LYRM4: variants seen among roughly 807,000 people sequenced by gnomAD.
LYRM4 encodes LYR motif-containing protein 4.
In LYRM4, 9 loss-of-function variants were observed where a neutral mutation model predicts 11.7. The ratio of observed to expected loss-of-function variants is 0.77; its 90% CI spans 0.46 to 1.34. The LOEUF (loss-of-function observed/expected upper bound fraction) is 1.34. Ranked by LOEUF, LYRM4 falls within the 40% of genes most tolerant of loss-of-function variation. The pLI, the probability that LYRM4 is intolerant of heterozygous loss-of-function variation, is 0.00. For synonymous variants in LYRM4, 42 were observed against 40.4 expected, an observed-to-expected ratio of 1.04 and a Z score of -0.15; for missense variants, 133 against 112.5, an observed-to-expected ratio of 1.18 and a Z score of -0.82.
chr6:5,058,444 A>G, the LYRM4 span, among the ~76,000 whole-genome samples: 7 of 152,226 alleles, frequency 4.6e-5, no homozygotes, highest in East Asian at 1.4e-3. Flanking sequence ...TCGTTCTCCA[A>G]ACCACAGCCA....
chr6:5,242,707 G>A (rs1290123945), intron 1 of LYRM4, among the ~76,000 whole-genome samples: 5 of 151,112 alleles, frequency 3.3e-5, no homozygotes, highest in Non-Finnish European at 5.9e-5. Context: ...CAACGAGAGC[G>A]AAACCCCTTC....
the LYRM4 span, chr6:5,085,268 C>T: frequency 6.1e-6 from 3 of 488,380 alleles, no homozygotes; most frequent in South Asian, 3.6e-5. Flanking sequence ...GGAGCCGGCC[C>T]CAGGCCCGCA....
At chr6:5,230,500 G>A (rs1488932149) in intron 1 of LYRM4, among the ~76,000 whole-genome samples, 1 of 152,132 alleles carries the variant, frequency 6.6e-6, no homozygotes, top group African/African-American at 2.4e-5. Context: ...GGTATTAGGA[G>A]TTAAATATTA....
intron 1 of LYRM4, among the ~76,000 whole-genome samples, chr6:5,224,688 G>T (rs927063218): frequency 1.3e-5 from 2 of 152,190 alleles, no homozygotes; most frequent in African/African-American, 4.8e-5. Context: ...AGCCAGGCAC[G>T]GTAGCTCCTG....
At chr6:5,198,256 C>T (rs1484499414) in intron 2 of LYRM4, among the ~76,000 whole-genome samples, 1 of 152,092 alleles carries the variant, frequency 6.6e-6, no homozygotes, top group Non-Finnish European at 1.5e-5. Flanking sequence ...GACATCACGG[C>T]TTTCAAGTAC....
chr6:5,087,853 G>A, the LYRM4 span: 87,904 of 152,080 alleles, frequency 0.58, 26,161 homozygotes, highest in East Asian at 0.84. Context: ...AAGGTCTGTC[G>A]CCCCTTGACT....
chr6:5,227,149 A>G (rs1318267137), intron 1 of LYRM4, among the ~76,000 whole-genome samples: 2 of 152,210 alleles, frequency 1.3e-5, no homozygotes, highest in Non-Finnish European at 1.5e-5. Context: ...AGGCTGCCAG[A>G]AATAAGGTTG....
chr6:5,197,406 G>T (rs1761123515), intron 2 of LYRM4, among the ~76,000 whole-genome samples: 1 of 152,234 alleles, frequency 6.6e-6, no homozygotes, highest in South Asian at 2.1e-4. Flanking sequence ...GGGCACGGTG[G>T]CTCATGCCTG....
chr6:5,095,911 TGGA>T, the LYRM4 span, among the ~76,000 whole-genome samples: 1 of 151,522 alleles, frequency 6.6e-6, no homozygotes. Flanking sequence ...GCCCAGGAGG[TGGA>T]GGTTGCAGTG....
intron 2 of LYRM4, among the ~76,000 whole-genome samples, chr6:5,160,392 C>G (rs1026290336): frequency 9.9e-5 from 15 of 152,142 alleles, no homozygotes; most frequent in African/African-American, 3.6e-4. Flanking sequence ...CAAATCTCAT[C>G]TTGAATTCCC....
chr6:5,066,376 C>T, the LYRM4 span: 1 of 729,608 alleles, frequency 1.4e-6, no homozygotes, highest in South Asian at 1.4e-5. Context: ...TCCAAAGTGG[C>T]CCTTTTTTCA....
At chr6:5,200,450 A>G (rs575516463) in intron 2 of LYRM4, among the ~76,000 whole-genome samples, 4 of 152,214 alleles carry the variant, frequency 2.6e-5, no homozygotes, top group Non-Finnish European at 5.9e-5. Context: ...GGGTGGAAGC[A>G]CATGAAATTT....
intron 2 of LYRM4, among the ~76,000 whole-genome samples, chr6:5,123,905 G>T (rs12196467): frequency 1.3e-5 from 2 of 152,230 alleles, no homozygotes; most frequent in Non-Finnish European, 2.9e-5. Flanking sequence ...CAGCTGCACA[G>T]AACAGCTGTG....
At chr6:5,162,142 C>T (rs9405807) in intron 2 of LYRM4, among the ~76,000 whole-genome samples, 31,836 of 152,092 alleles carry the variant, frequency 0.21, 3,766 homozygotes, top group Admixed American at 0.26. Flanking sequence ...GACTGAGCAC[C>T]ACCAAGGCTG....
At chr6:5,060,131 G>T in the LYRM4 span, among the ~76,000 whole-genome samples, 1 of 152,236 alleles carries the variant, frequency 6.6e-6, no homozygotes. Context: ...GTTACTAACA[G>T]TGCTTCAGTG....
At chr6:5,183,057 C>A (rs1278144495) in intron 2 of LYRM4, among the ~76,000 whole-genome samples, 1 of 152,130 alleles carries the variant, frequency 6.6e-6, no homozygotes, top group Non-Finnish European at 1.5e-5. Flanking sequence ...AAAGCTTTTT[C>A]TTCCCTTCAC....
intron 2 of LYRM4, among the ~76,000 whole-genome samples, chr6:5,116,872 C>A (rs184239726): frequency 1.3e-5 from 2 of 152,260 alleles, no homozygotes; most frequent in Admixed American, 1.3e-4. Flanking sequence ...TACAATTGGG[C>A]ACAATGTTTC....
intron 1 of LYRM4, among the ~76,000 whole-genome samples, chr6:5,235,394 G>A (rs1763484804): frequency 6.6e-6 from 1 of 152,138 alleles, no homozygotes; most frequent in African/African-American, 2.4e-5. Context: ...TCTAGAAGGA[G>A]TAAAAATTCA....
At chr6:5,163,438 A>G (rs947336375) in intron 2 of LYRM4, among the ~76,000 whole-genome samples, 2 of 149,424 alleles carry the variant, frequency 1.3e-5, no homozygotes, top group Non-Finnish European at 1.5e-5. Flanking sequence ...CCAACGCCAC[A>G]CTCCCTTCAT....
Sources: allele counts gnomAD v4.1 joint callset (sites outside exome capture counted in the v4.1 genomes callset), GRCh38; gene constraint gnomAD v4.1.1; transcripts MANE v1.5; gene names NCBI Gene and HGNC (gene_info 2026-07-23, HGNC 2026-07-21).